ENAH: variants seen among roughly 807,000 people sequenced by gnomAD.
ENAH encodes protein enabled homolog.
A neutral mutation model predicts 78.7 loss-of-function variants in ENAH; 23 were observed. The observed-to-expected ratio is 0.29, with a 90% CI of 0.21 to 0.41. The LOEUF (loss-of-function observed/expected upper bound fraction) is 0.41, where lower values mean the gene tolerates loss of function less well. Among genes scored for constraint, ENAH ranks in the 10% least tolerant of loss-of-function variants. The pLI is 1.00. For synonymous variants in ENAH, 226 were observed against 241.0 expected (o/e 0.94, Z 0.58); for missense variants, 544 against 691.0 (o/e 0.79, Z 2.39).
At chr1:225,562,981 A>C in intron 2 of ENAH, among the ~76,000 whole-genome samples, 1 of 152,048 alleles carries the variant, frequency 6.6e-6, no homozygotes. Context: ...TCAAAAAAAA[A>C]AAACCCGAAA....
At chr1:225,650,552 A>T (rs1662769052) in intron 1 of ENAH, among the ~76,000 whole-genome samples, 1 of 152,096 alleles carries the variant, frequency 6.6e-6, no homozygotes, top group South Asian at 2.1e-4. Context: ...GTTTTTATTT[A>T]AAAATAACCC....
intron 1 of ENAH, chr1:225,581,292 A>T: frequency 1.0e-6 from 1 of 984,860 alleles, no homozygotes; most frequent in East Asian, 1.1e-4. Flanking sequence ...TATTTTCATG[A>T]AGTTATATGG....
chr1:225,530,298 G>A (rs893427156), intron 4 of ENAH, among the ~76,000 whole-genome samples: 17 of 151,952 alleles, frequency 1.1e-4, no homozygotes, highest in South Asian at 2.1e-4. Flanking sequence ...TCTGTTAAGC[G>A]TATTTACAAT....
chr1:225,650,200 G>A (rs1464122545), intron 1 of ENAH, among the ~76,000 whole-genome samples: 1 of 152,136 alleles, frequency 6.6e-6, no homozygotes, highest in Non-Finnish European at 1.5e-5. Context: ...ACCTTCCAAA[G>A]TGAAAAGCTG....
At chr1:225,582,406 T>G (rs1243471682) in intron 1 of ENAH, among the ~76,000 whole-genome samples, 1 of 151,828 alleles carries the variant, frequency 6.6e-6, no homozygotes, top group Non-Finnish European at 1.5e-5. Context: ...AAGAAGGGAG[T>G]CAACTCTTTT....
chr1:225,615,867 G>T (rs1379283639), intron 1 of ENAH, among the ~76,000 whole-genome samples: 1 of 148,644 alleles, frequency 6.7e-6, no homozygotes, highest in Non-Finnish European at 1.5e-5. Flanking sequence ...TGATGACGAT[G>T]GCGGTTTTGT....
At chr1:225,554,854 G>T in intron 3 of ENAH, 52 bp downstream of exon 3, 1 of 1,401,052 alleles carries the variant, frequency 7.1e-7, no homozygotes, top group Non-Finnish European at 9.6e-7. Context: ...CTTCAGTTTT[G>T]CTTTGTCTCT....
At chr1:225,498,263 G>C (rs1249496669) in intron 13 of ENAH, 84 bp downstream of exon 13, 2 of 1,103,972 alleles carry the variant, frequency 1.8e-6, no homozygotes, top group Non-Finnish European at 2.7e-6. Context: ...TAATCAGCTG[G>C]GTATTTCCTT....
intron 1 of ENAH, among the ~76,000 whole-genome samples, chr1:225,609,352 G>A (rs933164518): frequency 4.6e-5 from 7 of 151,190 alleles, no homozygotes; most frequent in African/African-American, 9.7e-5. Context: ...AAAAAAAAAA[G>A]TAACCATATT....
intron 11 of ENAH, among the ~76,000 whole-genome samples, chr1:225,502,922 T>G (rs994243334): frequency 1.1e-4 from 16 of 152,306 alleles, no homozygotes; most frequent in African/African-American, 3.6e-4. Flanking sequence ...AGTGGCCCAT[T>G]TAGCTAGTTA....
At chr1:225,612,862 G>A (rs936696703) in intron 1 of ENAH, among the ~76,000 whole-genome samples, 4 of 148,254 alleles carry the variant, frequency 2.7e-5, no homozygotes, top group African/African-American at 9.7e-5. Context: ...GGGGAGGAGG[G>A]ATCTAAATGC....
intron 1 of ENAH, among the ~76,000 whole-genome samples, chr1:225,582,833 G>A (rs1047132094): frequency 1.3e-5 from 2 of 152,140 alleles, no homozygotes; most frequent in East Asian, 3.9e-4. Flanking sequence ...ATTAATATGT[G>A]TAAGAGTCTG....
intron 1 of ENAH, among the ~76,000 whole-genome samples, chr1:225,609,676 T>TC (rs1427249373): frequency 2.8e-4 from 39 of 137,656 alleles, no homozygotes; most frequent in Non-Finnish European, 5.5e-4. Context: ...TTTTTTTTTT[T>TC]TTTTTTTTGA....
chr1:225,583,636 G>A (rs548733687), intron 1 of ENAH, among the ~76,000 whole-genome samples: 3 of 150,864 alleles, frequency 2.0e-5, no homozygotes, highest in African/African-American at 7.3e-5. Context: ...GTGAAACCCT[G>A]TCTCTACTAA....
At chr1:225,628,119 C>G (rs914260993) in intron 1 of ENAH, among the ~76,000 whole-genome samples, 1 of 152,150 alleles carries the variant, frequency 6.6e-6, no homozygotes, top group African/African-American at 2.4e-5. Flanking sequence ...GGGTGTAATT[C>G]AGGATAGAAG....
intron 3 of ENAH, among the ~76,000 whole-genome samples, chr1:225,552,015 G>A (rs2096642856): frequency 6.6e-6 from 1 of 152,028 alleles, no homozygotes; most frequent in East Asian, 1.9e-4. Context: ...ACATTATTGG[G>A]TATGTTTGTT....
intron 3 of ENAH, among the ~76,000 whole-genome samples, chr1:225,532,990 T>A (rs186775525): frequency 6.6e-6 from 1 of 152,046 alleles, no homozygotes; most frequent in East Asian, 1.9e-4. Context: ...AGACATCCTT[T>A]AAATTGGGTG....
At chr1:225,561,609 A>G (rs535635185) in intron 2 of ENAH, among the ~76,000 whole-genome samples, 5 of 148,076 alleles carry the variant, frequency 3.4e-5, no homozygotes, top group Non-Finnish European at 7.4e-5. Context: ...CGACAGAGTG[A>G]GATTCCGTCT....
intron 1 of ENAH, among the ~76,000 whole-genome samples, chr1:225,633,675 G>A (rs571946940): frequency 7.9e-5 from 12 of 152,060 alleles, no homozygotes; most frequent in South Asian, 2.1e-4. Flanking sequence ...TGGCTTATTC[G>A]AATCCATTAA....
Sources: allele counts gnomAD v4.1 joint callset (sites outside exome capture counted in the v4.1 genomes callset), GRCh38; gene constraint gnomAD v4.1.1; transcripts MANE v1.5; gene names NCBI Gene and HGNC (gene_info 2026-07-23, HGNC 2026-07-21).